PRR14L: variants seen among roughly 807,000 people sequenced by gnomAD.
PRR14L encodes protein PRR14L.
In PRR14L, 80 loss-of-function variants were observed where a neutral mutation model predicts 155.0. The ratio of observed to expected loss-of-function variants is 0.52; its 90% CI spans 0.43 to 0.62. The LOEUF is 0.62. PRR14L is among the 20% of genes least tolerant of loss of function. PRR14L has a pLI of 0.00. For missense variants in PRR14L, 2,469 were observed against 2,548.0 expected, an observed-to-expected ratio of 0.97 and a Z score of 0.67; for synonymous variants, 883 against 916.0, an observed-to-expected ratio of 0.96 and a Z score of 0.65.
Position 31,704,728 on chromosome 22 carries a change from T to G in PRR14L, c.5757-2A>C. 6.2e-7 allele frequency: 1 copy of G among 1,613,474 alleles called. No individual in the cohort carries two copies. Among genetic ancestry groups the G allele is most frequent in the Non-Finnish European group, 8.5e-7 (1 of 1,179,500 alleles). On this transcript the variant is annotated splice_acceptor_variant, in intron 4 of 8. Transcript: ENST00000327423. LOFTEE classifies it high-confidence loss of function. ...GGCACATATGGTAACATGGTGTGGC[T>G]AAAGTAAAGCAAAAGTACAAAAGCA...
At position 31,745,861 on chromosome 22, in the gene PRR14L, A is replaced by AATATAT. The variant is rs1398926635; in HGVS notation, c.-52+4126_-52+4131dup. Among the ~76,000 whole-genome samples the AATATAT allele has an allele frequency of 8.3e-5, 11 of 132,344 alleles. 1 individual carries two copies. Among genetic ancestry groups the AATATAT allele is most frequent in the African/African-American group, 1.2e-4 (4 of 34,020 alleles). 86.8% of individuals were successfully genotyped at this position (132,344 alleles called of 152,430 possible). A position where few individuals can be genotyped will look rare whatever the true frequency, so the allele number is the denominator to read the frequency against. On this transcript the variant is annotated intron_variant, in intron 1 of 8. Coordinates refer to ENST00000327423, the MANE Select transcript of PRR14L (RefSeq NM_173566.3). ...CTCAGTTTAAAAAAAAAAAAAAAAA[A>AATATAT]ATATATATATATATATAAGCCAAGT...
chr22:31,688,390 G>T (rs2074493403), intron 7 of PRR14L, among the ~76,000 whole-genome samples, 163 bp from the exon 8 acceptor site: 1 of 151,080 alleles, frequency 6.6e-6, no homozygotes, highest in African/African-American at 2.4e-5. Context: ...GAGTAGCTGG[G>T]ATTACAGGTG....
At chr22:31,735,650 A>G (rs1161655769) in intron 2 of PRR14L, among the ~76,000 whole-genome samples, 2 of 151,722 alleles carry the variant, frequency 1.3e-5, no homozygotes, top group Non-Finnish European at 2.9e-5. Context: ...TGGAAAAAAA[A>G]AAAAAAAGAA....
intron 4 of PRR14L, among the ~76,000 whole-genome samples, chr22:31,706,457 CTT>C (rs1031011012): frequency 3.0e-5 from 4 of 131,554 alleles, no homozygotes; most frequent in Admixed American, 2.5e-4. Context: ...CGGAGTCTCA[CTT>C]TGTCACCCAG....
In PRR14L at chr22:31,683,693, TG is replaced by T; in HGVS notation, c.*1833del. ...CGTCTCAATGCTATGTCTGAGGCAG[TG>T]GGCCTAGAACATAGCCGTGGCACAC... On this transcript the variant is annotated 3_prime_UTR_variant, in exon 9 of 9. Transcript: ENST00000327423. 1 of 152,378 alleles carries T rather than the reference TG, an allele frequency of 6.6e-6. No individual in the cohort carries two copies. 9.4% of individuals were successfully genotyped at this position (152,378 alleles called of 1,614,324 possible).
At chr22:31,726,283 A>C (rs1395621001) in intron 2 of PRR14L, among the ~76,000 whole-genome samples, 4 of 151,540 alleles carry the variant, frequency 2.6e-5, no homozygotes, top group African/African-American at 7.3e-5. Flanking sequence ...GGCGCCCACC[A>C]CTATGCCTAG....
At chr22:31,702,248 G>A (rs575074887) in intron 6 of PRR14L, among the ~76,000 whole-genome samples, 2 of 151,952 alleles carry the variant, frequency 1.3e-5, no homozygotes, top group African/African-American at 4.8e-5. Flanking sequence ...TTTTGATAGA[G>A]TTTTGTTCTT....
At chr22:31,744,161 T>C (rs895475729) in intron 1 of PRR14L, among the ~76,000 whole-genome samples, 1 of 150,994 alleles carries the variant, frequency 6.6e-6, no homozygotes, top group Non-Finnish European at 1.5e-5. Flanking sequence ...GGATGGAGTT[T>C]CGCTCTTGTT....
In PRR14L at chr22:31,712,585, C is replaced by G. The variant is rs1300378518; in HGVS notation, c.5254G>C (p.Ala1752Pro). Residue 1752 changes from alanine to proline, a missense_variant, in exon 4 of 9, where the codon GCC (alanine) becomes CCC (proline). Around this residue, in one of 2 missense-constraint regions of PRR14L, gnomAD observed 2,363 missense variants for 2,371.6 expected, o/e 1.00. Coordinates refer to ENST00000327423, the MANE Select transcript of PRR14L (RefSeq NM_173566.3). ...GGAGGTTGAGACGGGCACTGGAGGG[C>G]CTCTCCTAAGGCAAGCCTTGCCGGA... ...CAPARLALGE[A>P]LQCPSQPPKW... 1.3e-6 allele frequency: 2 copies of G among 1,551,566 alleles called. No homozygotes were observed. The highest frequency in any genetic ancestry group is 1.4e-5 in the African/African-American group (1 of 73,054).
At chr22:31,688,293 T>C in intron 7 of PRR14L, 66 bp from the exon 8 acceptor site, 2 of 1,461,522 alleles carry the variant, frequency 1.4e-6, no homozygotes, top group Non-Finnish European at 1.8e-6. Flanking sequence ...GAGAAGGTCT[T>C]GCTCTGTTGC....
At chr22:31,698,271 C>T (rs2074545084) in intron 7 of PRR14L, among the ~76,000 whole-genome samples, 1 of 151,958 alleles carries the variant, frequency 6.6e-6, no homozygotes, top group African/African-American at 2.4e-5. Context: ...TTGATATACC[C>T]GCCTTGGCCT....
rs2074642019 is a variant in PRR14L, at chr22:31,714,398, C to T, written c.3441G>A (p.Lys1147=). The change falls in exon 4 of 9, where the codon AAG becomes AAA. Residue 1147 remains lysine (K), a synonymous_variant. Transcript: ENST00000327423. The stretch of plus-strand genomic sequence containing the variant: ...TCTCATGGGCACAAGAGTCTGGACA[C>T]TTTTCCATTTCACAGTCTTTTAAAG... ...CRSLKDCEME[K]CPDSCAHEME... The T allele has an allele frequency of 1.3e-6, 2 of 1,551,664 alleles. No homozygotes were observed. The highest frequency in any genetic ancestry group is 1.7e-6 in the Non-Finnish European group (2 of 1,146,990).
intron 4 of PRR14L, among the ~76,000 whole-genome samples, chr22:31,710,466 T>A (rs1051257494): frequency 1.2e-4 from 18 of 152,084 alleles, no homozygotes; most frequent in African/African-American, 4.3e-4. Flanking sequence ...ATTCTTTTTT[T>A]TTTTGAGACA....
Position 31,715,746 on chromosome 22 carries a change from G to C in PRR14L, c.2093C>G (p.Ala698Gly). The C allele has an allele frequency of 6.4e-7, 1 of 1,551,960 alleles. No individual in the cohort carries two copies. Among genetic ancestry groups the C allele is most frequent in the Non-Finnish European group, 8.7e-7 (1 of 1,146,906 alleles). Residue 698 changes from alanine (A) to glycine (G), a missense_variant, in exon 4 of 9, where the codon GCA (alanine) becomes GGA (glycine). Coordinates refer to ENST00000327423, the MANE Select transcript of PRR14L (RefSeq NM_173566.3). ...QSHHPPLEGR[A>G]DVIADIQTIP... ...GGTTTGTATATCAGCAATGACATCT[G>C]CTCTACCCTCTAATGGAGGGTGATG...
chr22:31,699,890 G>A (rs1306435670), intron 7 of PRR14L, among the ~76,000 whole-genome samples: 2 of 150,412 alleles, frequency 1.3e-5, no homozygotes, highest in East Asian at 1.9e-4. Context: ...TTTGACAAAA[G>A]TACATTTGAT....
At chr22:31,712,031 G>A (rs548986208) in intron 4 of PRR14L, 52 bp downstream of exon 4, 9 of 1,511,912 alleles carry the variant, frequency 6.0e-6, no homozygotes, top group Non-Finnish European at 8.0e-6. Context: ...CATCTCCCCA[G>A]AGACAGGAAG....
rs1294121490 is a variant in PRR14L at position 31,716,098 on chromosome 22, T to C, written c.1741A>G (p.Ile581Val). The stretch of plus-strand genomic sequence containing the variant: ...TTTAATACCTCACTTACAGGACTTA[T>C]TTGATCCTCTGGCATTAAACTCACA... ...SIVSLMPEDQ[I>V]SPVSEVLKPK... Residue 581 changes from isoleucine (I) to valine (V), a missense_variant, in exon 4 of 9, where the codon ATA (isoleucine) becomes GTA (valine). Ile to Val is a conservative substitution (Grantham distance 29). Transcript: ENST00000327423. 3.9e-6 allele frequency: 6 copies of C among 1,551,118 alleles called. No homozygotes were observed. The Admixed American group carries it at 5.9e-5, about 15-fold the overall frequency.
In PRR14L at chr22:31,685,644, C is replaced by T; in HGVS notation, c.6339G>A (p.Arg2113=). The T allele has an allele frequency of 6.4e-7, 1 of 1,551,804 alleles. No individual in the cohort carries two copies. The change falls in exon 9 of 9, where the codon AGG becomes AGA. Residue 2113 remains arginine, a synonymous_variant. Transcript: ENST00000327423. The part of the protein sequence containing the change: ...GKVKVAGSFT[R]AQKAAVQSRE... ...GACTCTGCACAGCTGCCTTCTGGGC[C>T]CTGGTAAAGCTGCCTGCCACCTTGA...
intron 5 of PRR14L, 72 bp from the exon 6 acceptor site, chr22:31,703,793 CTTCA>C: frequency 1.3e-6 from 1 of 780,398 alleles, no homozygotes; most frequent in Non-Finnish European, 1.9e-6. Flanking sequence ...ACTTCTTCTT[CTTCA>C]TTTTTTTTTT....
Sources: gnomAD v4.1 joint callset for allele counts (sites outside exome capture counted in the v4.1 genomes callset) on GRCh38, gnomAD v4.1.1 for gene constraint, gnomAD v4.1.1 regional missense constraint, MANE v1.5 for transcripts, NCBI Gene and HGNC (gene_info 2026-07-23, HGNC 2026-07-21) for gene names.